The following OR7C1 variants were observed in gnomAD, a reference collection of about 807,000 sequenced individuals.
The protein encoded by OR7C1 is olfactory receptor 7C1.
For missense variants in OR7C1, 324 were observed against 383.3 expected (o/e 0.85, Z 1.29); for synonymous variants, 152 against 160.7 (o/e 0.95, Z 0.41).
chr19:14,825,719 G>C (rs1245507873), intron 1 of OR7C1: 1 of 152,440 alleles, frequency 6.6e-6, no homozygotes, highest in African/African-American at 2.4e-5. Context: ...CCAAATGTAA[G>C]AGAACTCGGG....
At position 14,827,466 on chromosome 19, in the gene OR7C1, T is replaced by C. The variant is rs61731997; in HGVS notation, c.-623+7608A>G. 6.1e-5 allele frequency: 98 copies of C among 1,613,906 alleles called. No individual in the cohort carries two copies. The African/African-American group carries it at 1.2e-3, about 19-fold the overall frequency. Reference sequence around the variant, plus strand: ...GTTGCGGGTGGCAGCAGAACTAAGGTACACCCCTAGGATTGCACCATAAAA... The same window carrying C: ...GTTGCGGGTGGCAGCAGAACTAAGGCACACCCCTAGGATTGCACCATAAAA... On this transcript the variant is annotated intron_variant, in intron 1 of 4. Coordinates refer to ENST00000641666, the Ensembl canonical transcript of OR7C1.
At chr19:14,802,380 C>T (rs1289848247) in intron 2 of OR7C1, among the ~76,000 whole-genome samples, 3 of 152,244 alleles carry the variant, frequency 2.0e-5, no homozygotes, top group East Asian at 1.9e-4. Flanking sequence ...ATGAGCTGGG[C>T]GTGGTGGCAC....
At position 14,809,216 on chromosome 19, in the gene OR7C1, C is replaced by T. The variant is rs1048641376; in HGVS notation, c.-435+590G>A. 2.0e-5 allele frequency among the ~76,000 whole-genome samples: 3 copies of T among 151,900 alleles called. 1 individual carries two copies. The highest frequency in any genetic ancestry group is 7.3e-5 in the African/African-American group (3 of 41,200). The stretch of plus-strand genomic sequence containing the variant: ...TAAGAAACATCTCTGGGGTCAGGTT[C>T]TAGAGGGAAAACGCTGAAGTAAAAC... On this transcript the variant is annotated intron_variant, in intron 2 of 4. Transcript: ENST00000641666.
chr19:14,832,637 G>C (rs1002484926), intron 1 of OR7C1, among the ~76,000 whole-genome samples: 18 of 151,454 alleles, frequency 1.2e-4, no homozygotes, highest in African/African-American at 4.1e-4. Flanking sequence ...ATGTTGGCCA[G>C]GATGGTCTCG....
At chr19:14,798,957 T>C in exon 5 of OR7C1, 1 of 477,654 alleles carries the variant, frequency 2.1e-6, no homozygotes, top group African/African-American at 2.0e-5. Context: ...CTGTTCTTTG[T>C]TAGAAAAGAA....
intron 1 of OR7C1, among the ~76,000 whole-genome samples, chr19:14,833,972 C>T (rs1415135503): frequency 6.6e-6 from 1 of 152,102 alleles, no homozygotes; most frequent in African/African-American, 2.4e-5. Context: ...ATTAAAAACA[C>T]ATACAGGCTG....
intron 1 of OR7C1, among the ~76,000 whole-genome samples, chr19:14,811,592 A>G (rs2044691228): frequency 6.6e-6 from 1 of 151,908 alleles, no homozygotes; most frequent in African/African-American, 2.4e-5. Flanking sequence ...TAGGGGGGCC[A>G]ACATTCAACT....
chr19:14,805,028 C>T (rs764664012), intron 2 of OR7C1, among the ~76,000 whole-genome samples: 1 of 151,832 alleles, frequency 6.6e-6, no homozygotes, highest in Non-Finnish European at 1.5e-5. Flanking sequence ...TGCACCGTCA[C>T]ACCCAGAAGC....
intron 1 of OR7C1, among the ~76,000 whole-genome samples, chr19:14,820,119 C>T (rs1298293831): frequency 6.6e-6 from 1 of 152,074 alleles, no homozygotes; most frequent in Non-Finnish European, 1.5e-5. Context: ...CCATGGCAGT[C>T]AGGCTGGTCT....
chr19:14,826,049 T>G (rs775809046), intron 1 of OR7C1: 5 of 152,230 alleles, frequency 3.3e-5, no homozygotes, highest in Non-Finnish European at 7.3e-5. Flanking sequence ...ACTGTTGAGA[T>G]TCCCCATCTA....
intron 1 of OR7C1, among the ~76,000 whole-genome samples, chr19:14,815,544 G>A (rs1419330328): frequency 6.6e-6 from 1 of 152,172 alleles, no homozygotes; most frequent in African/African-American, 2.4e-5. Context: ...CCACTCTGTG[G>A]GATTGCCATC....
At position 14,799,825 on chromosome 19, in the gene OR7C1, G is replaced by GA. The variant is rs534928853; in HGVS notation, c.311dup (p.Thr105HisfsTer17). Reference sequence around the variant, plus strand: ...AATTGTCCAGGCATCCAAATGAAGTGAAAAAAAAAATCTGACTGAGACAGC... The same window carrying GA: ...AATTGTCCAGGCATCCAAATGAAGTGAAAAAAAAAAATCTGACTGAGACAGC... On this transcript the variant is annotated frameshift_variant, in exon 5 of 5. Coordinates refer to ENST00000641666, the Ensembl canonical transcript of OR7C1. LOFTEE classifies it low-confidence loss of function (END_TRUNC). 7.5e-4 allele frequency: 1,101 copies of GA among 1,463,244 alleles called. No homozygotes were observed. Among genetic ancestry groups the GA allele is most frequent in the East Asian group, 1.5e-3 (64 of 41,764 alleles). 90.6% of individuals were successfully genotyped at this position (1,463,244 alleles called of 1,614,324 possible). A position where few individuals can be genotyped will look rare whatever the true frequency, so the allele number is the denominator to read the frequency against.
chr19:14,833,306 C>T (rs10402202), intron 1 of OR7C1, among the ~76,000 whole-genome samples: 1,889 of 152,276 alleles, frequency 0.012, 34 homozygotes, highest in African/African-American at 0.042. Context: ...TGGCGAAACG[C>T]CATCTCTACC....
At chr19:14,830,506 G>A (rs10410354) in intron 1 of OR7C1, among the ~76,000 whole-genome samples, 1 of 151,478 alleles carries the variant, frequency 6.6e-6, no homozygotes, top group South Asian at 2.1e-4. Context: ...AAATAAAAGC[G>A]ACCCTGGTTA....
In OR7C1 at chr19:14,803,294, G is replaced by A. The variant is rs572760288; in HGVS notation, c.-434-2530C>T. On this transcript the variant is annotated intron_variant, in intron 2 of 4. Transcript: ENST00000641666. Reference sequence around the variant, plus strand: ...TGCACTCCAGCCTGGGTGATAGAGGGAGACTATGTCTCCAAAAAAAAAAAA... The same window carrying A: ...TGCACTCCAGCCTGGGTGATAGAGGAAGACTATGTCTCCAAAAAAAAAAAA... Among the ~76,000 whole-genome samples the A allele has an allele frequency of 4.4e-5, 6 of 135,320 alleles. No homozygotes were observed. In the East Asian group the frequency reaches 1.0e-3, roughly 23 times the overall value. The allele number at this position is 135,320 out of a possible 152,430, so 88.8% of individuals were successfully genotyped here.
intron 1 of OR7C1, among the ~76,000 whole-genome samples, chr19:14,811,036 A>G (rs886618284): frequency 1.3e-5 from 2 of 151,926 alleles, no homozygotes; most frequent in African/African-American, 4.9e-5. Context: ...TAAAGGGCTC[A>G]GTGGTACATA....
intron 1 of OR7C1, among the ~76,000 whole-genome samples, chr19:14,813,854 CAATTT>C (rs1322398274): frequency 6.6e-6 from 1 of 152,054 alleles, no homozygotes; most frequent in African/African-American, 2.4e-5. Flanking sequence ...ATGGGGATTA[CAATTT>C]GAGATGAGAT....
intron 1 of OR7C1, among the ~76,000 whole-genome samples, chr19:14,829,455 G>C (rs570388419): frequency 6.6e-6 from 1 of 152,270 alleles, no homozygotes; most frequent in Non-Finnish European, 1.5e-5. Flanking sequence ...CGCTCACCTC[G>C]GCCTCCCAAA....
At chr19:14,810,378 T>TTTG (rs1555694735) in intron 1 of OR7C1, among the ~76,000 whole-genome samples, 4 of 127,590 alleles carry the variant, frequency 3.1e-5, no homozygotes, top group African/African-American at 1.4e-4. Context: ...ATGAGTTTTT[T>TTTG]TTTTTTGTTT....
Sources: allele counts gnomAD v4.1 joint callset (sites outside exome capture counted in the v4.1 genomes callset), GRCh38; gene constraint gnomAD v4.1.1; transcripts MANE v1.5; gene names NCBI Gene and HGNC (gene_info 2026-07-23, HGNC 2026-07-21).